Variants in HIVEP1 observed in about 807,000 individuals in gnomAD.
The protein encoded by HIVEP1 is zinc finger protein 40.
In HIVEP1, 36 loss-of-function variants were observed where a neutral mutation model predicts 180.0. The ratio of observed to expected loss-of-function variants is 0.20; its 90% CI spans 0.15 to 0.26. The LOEUF (loss-of-function observed/expected upper bound fraction) is 0.26, where lower values mean the gene tolerates loss of function less well. Ranked by LOEUF, HIVEP1 falls within the 10% of genes least tolerant of loss-of-function variation. The pLI is 1.00. For missense variants in HIVEP1, 3,143 were observed against 3,268.7 expected, an observed-to-expected ratio of 0.96 and a Z score of 0.94; for synonymous variants, 1,239 against 1,239.0, an observed-to-expected ratio of 1.00 and a Z score of 0.00.
At chr6:12,017,229 C>G (rs913392712) in intron 2 of HIVEP1, among the ~76,000 whole-genome samples, 2 of 152,140 alleles carry the variant, frequency 1.3e-5, no homozygotes, top group African/African-American at 2.4e-5. Flanking sequence ...GTTACTGTGT[C>G]TGGAATTGGT....
chr6:12,204,914 C>T, the HIVEP1 span, among the ~76,000 whole-genome samples: 3 of 152,014 alleles, frequency 2.0e-5, no homozygotes, highest in Admixed American at 6.5e-5. Context: ...TGTAATGACA[C>T]GGGGGCACTG....
At chr6:12,184,022 T>TAGATAGATAGACAGAC in the HIVEP1 span, among the ~76,000 whole-genome samples, 277 of 101,918 alleles carry the variant, frequency 2.7e-3, no homozygotes, top group African/African-American at 5.4e-3. Context: ...GATAGATAGA[T>TAGATAGATAGACAGAC]AGACAGACAG....
rs1202489631 is a variant in HIVEP1 at position 12,012,546 on chromosome 6, C to T, written c.-124C>T. 1 of 150,014 alleles carries T rather than the reference C, an allele frequency of 6.7e-6. No homozygotes were observed. The highest frequency in any genetic ancestry group is 2.4e-5 in the African/African-American group (1 of 41,016). The allele number at this position is 150,014 out of a possible 1,614,324, so 9.3% of individuals were successfully genotyped here. On this transcript the variant is annotated 5_prime_UTR_variant, in exon 1 of 9. Transcript: ENST00000379388. Reference sequence around the variant, plus strand: ...GGGCCGGCTGCAGCGGCAGCGGCTCCGCCGGGCGTCCTGGCAGCAGGTTCG... The same window carrying T: ...GGGCCGGCTGCAGCGGCAGCGGCTCTGCCGGGCGTCCTGGCAGCAGGTTCG...
At chr6:12,081,763 C>T (rs777315414) in intron 2 of HIVEP1, among the ~76,000 whole-genome samples, 3 of 152,162 alleles carry the variant, frequency 2.0e-5, no homozygotes, top group African/African-American at 7.2e-5. Flanking sequence ...TCTCTATCCC[C>T]TGCTCCTTCG....
In HIVEP1 at chr6:12,123,734, T is replaced by C; in HGVS notation, c.3939T>C (p.Ser1313=). 1 of 1,614,136 alleles carries C rather than the reference T, an allele frequency of 6.2e-7. No homozygotes were observed. The highest frequency in any genetic ancestry group is 1.1e-5 in the South Asian group (1 of 91,076). ...SRSLSRESSL[S]HTSSFSASLD... Reference sequence around the variant, plus strand: ...GTCTAAGTAGGGAGAGCAGTTTATCTCACACTTCAAGTTTCTCAGCCTCTT... The same window carrying C: ...GTCTAAGTAGGGAGAGCAGTTTATCCCACACTTCAAGTTTCTCAGCCTCTT... The change falls in exon 4 of 9, where the codon TCT becomes TCC. Residue 1313 remains serine (S), a synonymous_variant. Transcript: ENST00000379388.
intron 2 of HIVEP1, among the ~76,000 whole-genome samples, chr6:12,084,692 TA>T (rs2078775807): frequency 1.3e-5 from 2 of 152,172 alleles, no homozygotes; most frequent in African/African-American, 4.8e-5. Flanking sequence ...AATCAGATGG[TA>T]CCTCTGTCAG....
chr6:12,106,657 GA>G (rs1169243214), intron 3 of HIVEP1, among the ~76,000 whole-genome samples: 1 of 152,180 alleles, frequency 6.6e-6, no homozygotes, highest in East Asian at 1.9e-4. Context: ...TTATTATCAG[GA>G]AATAATGCTA....
At chr6:12,108,649 G>T (rs1333655960) in intron 3 of HIVEP1, among the ~76,000 whole-genome samples, 4 of 152,232 alleles carry the variant, frequency 2.6e-5, no homozygotes, top group Non-Finnish European at 5.9e-5. Flanking sequence ...GCCCCTCATT[G>T]CCCGGGGCCA....
intron 2 of HIVEP1, among the ~76,000 whole-genome samples, chr6:12,047,150 C>T (rs752856612): frequency 1.3e-5 from 2 of 152,098 alleles, no homozygotes; most frequent in East Asian, 1.9e-4. Flanking sequence ...TGAGCCACCG[C>T]GCCCAGCTGA....
intron 2 of HIVEP1, among the ~76,000 whole-genome samples, chr6:12,030,792 T>C (rs571209414): frequency 7.9e-5 from 12 of 152,360 alleles, no homozygotes; most frequent in African/African-American, 2.9e-4. Flanking sequence ...ATACTTTCTA[T>C]TGACTCAATT....
chr6:12,074,580 G>A (rs929220665), intron 2 of HIVEP1, among the ~76,000 whole-genome samples: 26 of 151,168 alleles, frequency 1.7e-4, no homozygotes, highest in Non-Finnish European at 1.3e-4. Context: ...TGGATTTAGG[G>A]GTCTCCATAG....
intron 3 of HIVEP1, among the ~76,000 whole-genome samples, chr6:12,089,805 TA>T (rs1376621923): frequency 6.6e-5 from 10 of 152,136 alleles, no homozygotes; most frequent in East Asian, 1.9e-4. Flanking sequence ...TAAAATATCT[TA>T]TTTTTTTGTG....
chr6:12,142,913 G>A (rs1759137767), intron 7 of HIVEP1, among the ~76,000 whole-genome samples: 1 of 152,128 alleles, frequency 6.6e-6, no homozygotes, highest in African/African-American at 2.4e-5. Flanking sequence ...ACCAAAAAAA[G>A]TCCAGGACCA....
chr6:12,085,075 C>T (rs1297140812), intron 2 of HIVEP1, among the ~76,000 whole-genome samples: 3 of 152,078 alleles, frequency 2.0e-5, no homozygotes, highest in Non-Finnish European at 2.9e-5. Context: ...AATGCAGGTT[C>T]TGTGTCACAG....
the HIVEP1 span, among the ~76,000 whole-genome samples, chr6:12,205,484 A>T: frequency 2.0e-5 from 3 of 151,714 alleles, no homozygotes; most frequent in African/African-American, 4.8e-5. Flanking sequence ...AAAAAAAAAA[A>T]TTTGAACAAA....
chr6:12,140,635 C>T (rs1361187877), intron 7 of HIVEP1, among the ~76,000 whole-genome samples: 1 of 152,116 alleles, frequency 6.6e-6, no homozygotes, highest in Non-Finnish European at 1.5e-5. Context: ...AAAGCTTAGA[C>T]AAATGGCTAA....
At chr6:12,189,275 TAAAAA>T in the HIVEP1 span, among the ~76,000 whole-genome samples, 1 of 151,880 alleles carries the variant, frequency 6.6e-6, no homozygotes, top group Non-Finnish European at 1.5e-5. Context: ...ATATGAGAGT[TAAAAA>T]AACACTTTCT....
intron 4 of HIVEP1, among the ~76,000 whole-genome samples, chr6:12,129,237 G>T (rs1429384134): frequency 6.6e-6 from 1 of 152,140 alleles, no homozygotes; most frequent in Non-Finnish European, 1.5e-5. Context: ...AAATAATGGA[G>T]GAAGAAAAAG....
At chr6:12,078,703 T>A (rs1772554233) in intron 2 of HIVEP1, among the ~76,000 whole-genome samples, 1 of 116,522 alleles carries the variant, frequency 8.6e-6, no homozygotes, top group South Asian at 2.6e-4. Context: ...TAAACATATA[T>A]ATAAACACAC....
Sources: gnomAD v4.1 joint callset for allele counts (sites outside exome capture counted in the v4.1 genomes callset) on GRCh38, gnomAD v4.1.1 for gene constraint, MANE v1.5 for transcripts, NCBI Gene and HGNC (gene_info 2026-07-23, HGNC 2026-07-21) for gene names.